The following MSH4 variants were observed in gnomAD, a reference collection of about 807,000 sequenced individuals.
The protein encoded by MSH4 is mutS homolog 4.
Under a neutral mutation model 113.7 loss-of-function variants are expected in MSH4, and 106 were observed. That is an observed-to-expected ratio of 0.93 (90% CI 0.80 to 1.10). The LOEUF is 1.10. Ranked by LOEUF, MSH4 falls within the 50% of genes least tolerant of loss-of-function variation. MSH4 has a pLI of 0.00. For synonymous variants in MSH4, 368 were observed against 380.2 expected (o/e 0.97, Z 0.37); for missense variants, 1,061 against 1,093.7 (o/e 0.97, Z 0.42).
chr1:75,846,090 G>A (rs1459946272), intron 7 of MSH4, among the ~76,000 whole-genome samples: 1 of 144,712 alleles, frequency 6.9e-6, no homozygotes, highest in Admixed American at 7.1e-5. Flanking sequence ...CAGAATTAAG[G>A]AAGCAGAGTT....
chr1:75,845,793 C>T (rs1470619013), intron 7 of MSH4, among the ~76,000 whole-genome samples: 2 of 152,024 alleles, frequency 1.3e-5, no homozygotes, highest in East Asian at 1.9e-4. Context: ...GAATGATGGC[C>T]TCTATCCTAT....
At chr1:75,898,501 G>C (rs1355749771) in intron 18 of MSH4, among the ~76,000 whole-genome samples, 1 of 149,206 alleles carries the variant, frequency 6.7e-6, no homozygotes, top group East Asian at 2.0e-4. Context: ...TCTTAAAAGA[G>C]AATGTATTAC....
At chr1:75,815,478 A>C (rs551271263) in intron 5 of MSH4, among the ~76,000 whole-genome samples, 1 of 152,334 alleles carries the variant, frequency 6.6e-6, no homozygotes, top group Admixed American at 6.5e-5. Context: ...TAGCTACAGT[A>C]AACTGGAAAT....
At chr1:75,875,153 C>T (rs190803415) in intron 9 of MSH4, among the ~76,000 whole-genome samples, 148 of 152,268 alleles carry the variant, frequency 9.7e-4, no homozygotes, top group Non-Finnish European at 1.9e-3. Context: ...CTTAGCCCCT[C>T]GAAGTGGTGG....
chr1:75,800,827 C>CA (rs1232519705), intron 1 of MSH4, among the ~76,000 whole-genome samples: 1 of 152,132 alleles, frequency 6.6e-6, no homozygotes, highest in Non-Finnish European at 1.5e-5. Flanking sequence ...CCTGGAGCTA[C>CA]ATTGTCTGAT....
intron 17 of MSH4, among the ~76,000 whole-genome samples, chr1:75,893,742 C>T (rs1406687079): frequency 6.6e-6 from 1 of 152,160 alleles, no homozygotes; most frequent in Non-Finnish European, 1.5e-5. Flanking sequence ...ATCCATGGAA[C>T]ATGCATGGGA....
rs1286506735 is a variant in MSH4, at chr1:75,885,045, G to GTATATATA, written c.2107+1225_2107+1226insATATATAT. On this transcript the variant is annotated intron_variant, in intron 15 of 19. Transcript: ENST00000263187. ...TATATATATATGTGTGTGTGTGTGT[G>GTATATATA]TGTGTGTGTGTGTGTATATATATAT... is the stretch of plus-strand genomic sequence containing the variant. 1.4e-4 allele frequency among the ~76,000 whole-genome samples: 15 copies of GTATATATA among 107,770 alleles called. 1 individual carries two copies. Among genetic ancestry groups the GTATATATA allele is most frequent in the East Asian group, 1.3e-3 (6 of 4,630 alleles). 70.7% of individuals were successfully genotyped at this position (107,770 alleles called of 152,430 possible).
At chr1:75,880,809 CGAGA>C (rs1651914456) in intron 13 of MSH4, among the ~76,000 whole-genome samples, 1 of 151,390 alleles carries the variant, frequency 6.6e-6, no homozygotes, top group Non-Finnish European at 1.5e-5. Context: ...AGAACAAGAA[CGAGA>C]GAGAAAGAAA....
intron 15 of MSH4, among the ~76,000 whole-genome samples, chr1:75,887,034 G>T (rs1294516888): frequency 2.0e-5 from 3 of 151,828 alleles, no homozygotes; most frequent in Admixed American, 2.0e-4. Context: ...CAGGCTCAAA[G>T]ACTTGCCCAA....
intron 13 of MSH4, 23 bp from the exon 14 acceptor site, chr1:75,881,223 T>C: frequency 7.0e-7 from 1 of 1,438,384 alleles, no homozygotes; most frequent in Non-Finnish European, 9.2e-7. Context: ...CATTATTACA[T>C]GTCTTACCAA....
At position 75,832,893 on chromosome 1, in the gene MSH4, C is replaced by G. The variant is rs1650735570; in HGVS notation, c.1162+10312C>G. 2.6e-5 allele frequency among the ~76,000 whole-genome samples: 4 copies of G among 152,166 alleles called. No individual in the cohort carries two copies. The South Asian group carries it at 8.3e-4, about 31-fold the overall frequency. On this transcript the variant is annotated intron_variant, in intron 7 of 19. Coordinates refer to ENST00000263187, the MANE Select transcript of MSH4 (RefSeq NM_002440.4). ...CTGGCACAAGACAGGGATGCCCTCT[C>G]TCACCACTCCTATTCAACATAGTGT...
rs1171996694 is a variant in MSH4 at position 75,886,527 on chromosome 1, TTA to T, written c.2107+2714_2107+2715del. Among the ~76,000 whole-genome samples the T allele has an allele frequency of 1.2e-4, 12 of 101,252 alleles. 1 individual carries two copies. The highest frequency in any genetic ancestry group is 3.5e-4 in the Admixed American group (3 of 8,492). 66.4% of individuals were successfully genotyped at this position (101,252 alleles called of 152,430 possible). A position where few individuals can be genotyped will look rare whatever the true frequency, so the allele number is the denominator to read the frequency against. ...TATTATATATAATATATATGATGTA[TTA>T]TATATATTATTATCTATTATATACG... is the stretch of plus-strand genomic sequence containing the variant. On this transcript the variant is annotated intron_variant, in intron 15 of 19. Transcript: ENST00000263187.
intron 7 of MSH4, among the ~76,000 whole-genome samples, chr1:75,840,457 G>C (rs1252776584): frequency 7.0e-6 from 1 of 143,772 alleles, no homozygotes; most frequent in East Asian, 2.1e-4. Flanking sequence ...CTCATAGGTG[G>C]GAATTGAACA....
chr1:75,857,942 T>G (rs1651356689), intron 8 of MSH4, among the ~76,000 whole-genome samples: 1 of 152,218 alleles, frequency 6.6e-6, no homozygotes, highest in Admixed American at 6.5e-5. Flanking sequence ...CTTATTTCTT[T>G]GAGCAGTGGT....
Position 75,797,249 on chromosome 1 carries a change from AG to A in MSH4, c.244+22del, listed in dbSNP as rs1162036212. ...CTCAAGGCAAGGAGTGATTGGGTGGAGGAGTCTCCTTGAGGCTAGAGGCCGG... is the reference window on the plus strand; with the variant it reads ...CTCAAGGCAAGGAGTGATTGGGTGGAGAGTCTCCTTGAGGCTAGAGGCCGG... On this transcript the variant is annotated intron_variant, in intron 1 of 19. Coordinates refer to ENST00000263187, the MANE Select transcript of MSH4 (RefSeq NM_002440.4). 2 of 1,591,754 alleles carry A rather than the reference AG, an allele frequency of 1.3e-6. No individual in the cohort carries two copies. Among genetic ancestry groups the A allele is most frequent in the Non-Finnish European group, 1.7e-6 (2 of 1,169,304 alleles).
chr1:75,859,499 C>G (rs867493816), intron 8 of MSH4, among the ~76,000 whole-genome samples: 1 of 152,168 alleles, frequency 6.6e-6, no homozygotes, highest in African/African-American at 2.4e-5. Context: ...ATCTTTATTT[C>G]TCCCTTCATT....
intron 8 of MSH4, among the ~76,000 whole-genome samples, chr1:75,851,594 C>T (rs1263044067): frequency 6.6e-6 from 1 of 151,862 alleles, no homozygotes; most frequent in Non-Finnish European, 1.5e-5. Context: ...ATTTTTAGTA[C>T]AGATGGGGTT....
intron 7 of MSH4, 22 bp from the exon 8 acceptor site, chr1:75,848,187 C>G (rs756441176): frequency 6.6e-7 from 1 of 1,521,150 alleles, no homozygotes; most frequent in South Asian, 1.2e-5. Context: ...TTTAAATACT[C>G]ACATTTGTTT....
rs772119139 is a variant in MSH4, at chr1:75,880,031, T to C, written c.1678-19T>C. 7.8e-7 allele frequency: 1 copy of C among 1,283,004 alleles called. No homozygotes were observed. Among genetic ancestry groups the C allele is most frequent in the Non-Finnish European group, 1.1e-6 (1 of 886,096 alleles). 79.5% of individuals were successfully genotyped at this position (1,283,004 alleles called of 1,614,324 possible). ...TAGTGTGCATTTATCTTGACATTTGTTTTTTAATCTCCAAGCAGATTTCTA... is the reference window on the plus strand; with the variant it reads ...TAGTGTGCATTTATCTTGACATTTGCTTTTTAATCTCCAAGCAGATTTCTA... On this transcript the variant is annotated intron_variant, in intron 12 of 19. Transcript: ENST00000263187.
Sources: gnomAD v4.1 joint callset for allele counts (sites outside exome capture counted in the v4.1 genomes callset) on GRCh38, gnomAD v4.1.1 for gene constraint, MANE v1.5 for transcripts, NCBI Gene and HGNC (gene_info 2026-07-23, HGNC 2026-07-21) for gene names.